The following KCNMB4 variants were observed in gnomAD, a reference collection of about 807,000 sequenced individuals.
KCNMB4 encodes the protein calcium-activated potassium channel subunit beta-4.
Under a neutral mutation model 20.7 loss-of-function variants are expected in KCNMB4, and 3 were observed. The observed-to-expected ratio is 0.14, with a 90% CI of 0.07 to 0.37. The LOEUF (loss-of-function observed/expected upper bound fraction) is 0.37. Among genes scored for constraint, KCNMB4 ranks in the 10% least tolerant of loss-of-function variants. KCNMB4 has a pLI of 1.00. For missense variants in KCNMB4, 168 were observed against 265.9 expected (o/e 0.63, Z 2.56); for synonymous variants, 110 against 113.4 (o/e 0.97, Z 0.19).
chr12:70,379,589 G>T (rs1266059598), intron 1 of KCNMB4, among the ~76,000 whole-genome samples: 1 of 152,064 alleles, frequency 6.6e-6, no homozygotes, highest in Non-Finnish European at 1.5e-5. Context: ...GCTAATGTTT[G>T]TATTTTTTGT....
At chr12:70,411,336 T>A (rs911908299) in intron 2 of KCNMB4, among the ~76,000 whole-genome samples, 10 of 152,184 alleles carry the variant, frequency 6.6e-5, no homozygotes, top group African/African-American at 1.7e-4. Flanking sequence ...TTCATAATGA[T>A]GACACTGAGT....
At chr12:70,410,226 G>A (rs1330138823) in intron 2 of KCNMB4, among the ~76,000 whole-genome samples, 1 of 152,214 alleles carries the variant, frequency 6.6e-6, no homozygotes, top group African/African-American at 2.4e-5. Flanking sequence ...ATAATATCAA[G>A]GAGATGGCAT....
rs140768526 is a variant in KCNMB4, at chr12:70,395,454, A to G, written c.337-4755A>G. Among the ~76,000 whole-genome samples the G allele has an allele frequency of 2.3e-3, 352 of 152,324 alleles. 1 individual carries two copies. Among genetic ancestry groups the G allele is most frequent in the African/African-American group, 8.1e-3 (335 of 41,576 alleles). Reference sequence around the variant, plus strand: ...GATTGAAATGCAGTCCTCTCAAGACACTTATCACAAAGAACCTACTCAAAA... The same window carrying G: ...GATTGAAATGCAGTCCTCTCAAGACGCTTATCACAAAGAACCTACTCAAAA... On this transcript the variant is annotated intron_variant, in intron 1 of 2. Coordinates refer to ENST00000258111, the MANE Select transcript of KCNMB4 (RefSeq NM_014505.6).
chr12:70,410,487 C>G (rs1007459163), intron 2 of KCNMB4, among the ~76,000 whole-genome samples: 1 of 152,170 alleles, frequency 6.6e-6, no homozygotes, highest in South Asian at 2.1e-4. Context: ...CATCAAGCAT[C>G]GGGATTTACA....
rs1883650582 is a variant in KCNMB4, at chr12:70,374,392, A to G, written c.336+7322A>G. On this transcript the variant is annotated intron_variant, in intron 1 of 2. Coordinates refer to ENST00000258111, the MANE Select transcript of KCNMB4 (RefSeq NM_014505.6). ...TCAGTTTAGTTCCTAGATCAGCAGTACATTTATATTACAATTACCATAATT... is the reference window on the plus strand; with the variant it reads ...TCAGTTTAGTTCCTAGATCAGCAGTGCATTTATATTACAATTACCATAATT... Among the ~76,000 whole-genome samples, 3 of 152,168 alleles carry G rather than the reference A, an allele frequency of 2.0e-5. No homozygotes were observed. In the South Asian group the frequency reaches 6.2e-4, roughly 31 times the overall value.
chr12:70,380,368 A>G (rs1012974249), intron 1 of KCNMB4, among the ~76,000 whole-genome samples: 2 of 152,188 alleles, frequency 1.3e-5, no homozygotes, highest in Admixed American at 6.5e-5. Flanking sequence ...AGATCACCAT[A>G]ACAGATATAA....
intron 1 of KCNMB4, among the ~76,000 whole-genome samples, chr12:70,393,068 C>A (rs1232953904): frequency 6.6e-6 from 1 of 151,758 alleles, no homozygotes; most frequent in Non-Finnish European, 1.5e-5. Flanking sequence ...GTTTATAGGC[C>A]CTGTCATGTT....
intron 1 of KCNMB4, among the ~76,000 whole-genome samples, chr12:70,395,911 C>T (rs1416990085): frequency 1.3e-5 from 2 of 152,116 alleles, no homozygotes; most frequent in Non-Finnish European, 2.9e-5. Context: ...TGCTATTGTC[C>T]TCCATGACCA....
At chr12:70,397,486 A>T (rs1459359090) in intron 1 of KCNMB4, among the ~76,000 whole-genome samples, 1 of 152,168 alleles carries the variant, frequency 6.6e-6, no homozygotes, top group East Asian at 1.9e-4. Context: ...ATCTCAGATT[A>T]TTTTCTCCAA....
At chr12:70,397,220 T>C (rs1331415445) in intron 1 of KCNMB4, among the ~76,000 whole-genome samples, 3 of 151,740 alleles carry the variant, frequency 2.0e-5, no homozygotes, top group East Asian at 3.9e-4. Context: ...TGTGGTGGAG[T>C]AGCTGTAGTC....
At chr12:70,406,999 A>G (rs896003499) in intron 2 of KCNMB4, among the ~76,000 whole-genome samples, 2 of 152,130 alleles carry the variant, frequency 1.3e-5, no homozygotes, top group Non-Finnish European at 2.9e-5. Flanking sequence ...GGTGTCCTAC[A>G]GTTCAGTTTG....
chr12:70,379,928 G>A (rs1883755327), intron 1 of KCNMB4, among the ~76,000 whole-genome samples: 1 of 152,164 alleles, frequency 6.6e-6, no homozygotes, highest in South Asian at 2.1e-4. Flanking sequence ...CAATAAGGCT[G>A]TTTCACTTTC....
Position 70,400,236 on chromosome 12 carries a change from G to A in KCNMB4, c.364G>A (p.Glu122Lys). ...KCSYIPPCKRENQKNLESVMN... is the reference protein window; with the variant it reads ...KCSYIPPCKRKNQKNLESVMN... ...CTCCTATATCCCTCCCTGTAAGAGAGAAAATCAGAAGAATTTGGAAAGTGT... is the reference window on the plus strand; with the variant it reads ...CTCCTATATCCCTCCCTGTAAGAGAAAAAATCAGAAGAATTTGGAAAGTGT... The change falls in exon 2 of 3, where the codon GAA becomes AAA. Residue 122 changes from glutamate (E) to lysine (K), a missense_variant. Coordinates refer to ENST00000258111, the MANE Select transcript of KCNMB4 (RefSeq NM_014505.6). The A allele has an allele frequency of 6.2e-7, 1 of 1,611,540 alleles. No homozygotes were observed. The highest frequency in any genetic ancestry group is 8.5e-7 in the Non-Finnish European group (1 of 1,178,672).
At chr12:70,385,491 G>C (rs1565856912) in intron 1 of KCNMB4, among the ~76,000 whole-genome samples, 4 of 152,138 alleles carry the variant, frequency 2.6e-5, no homozygotes, top group Admixed American at 1.3e-4. Context: ...TTTTGCATAA[G>C]AGTTGGATAG....
chr12:70,417,373 G>C (rs917901650), intron 2 of KCNMB4, among the ~76,000 whole-genome samples: 1 of 152,148 alleles, frequency 6.6e-6, no homozygotes, highest in African/African-American at 2.4e-5. Context: ...AGCATTGGAG[G>C]CTCCTCAAGG....
At chr12:70,383,689 G>GC (rs1201136208) in intron 1 of KCNMB4, among the ~76,000 whole-genome samples, 3 of 152,170 alleles carry the variant, frequency 2.0e-5, no homozygotes, top group Non-Finnish European at 4.4e-5. Flanking sequence ...GCCTGCAGTT[G>GC]CATCACTCCA....
chr12:70,429,919 TCATTCAGC>T (rs1869314987), intron 2 of KCNMB4, among the ~76,000 whole-genome samples: 1 of 152,176 alleles, frequency 6.6e-6, no homozygotes. Context: ...AAAAAGGCAC[TCATTCAGC>T]CATTGTCTGC....
chr12:70,398,466 T>G (rs1476866953), intron 1 of KCNMB4, among the ~76,000 whole-genome samples: 1 of 152,174 alleles, frequency 6.6e-6, no homozygotes, highest in Non-Finnish European at 1.5e-5. Flanking sequence ...ATCCATAATT[T>G]CACAGACATT....
chr12:70,401,723 G>A (rs1868456785), intron 2 of KCNMB4, among the ~76,000 whole-genome samples: 1 of 150,536 alleles, frequency 6.6e-6, no homozygotes, highest in South Asian at 2.1e-4. Context: ...GGTTCAAGAT[G>A]GCCTCCTCCC....
Sources: gnomAD v4.1 joint callset for allele counts (sites outside exome capture counted in the v4.1 genomes callset) on GRCh38, gnomAD v4.1.1 for gene constraint, MANE v1.5 for transcripts, NCBI Gene and HGNC (gene_info 2026-07-23, HGNC 2026-07-21) for gene names.